Variants in ACTR3C observed in about 807,000 individuals in gnomAD.
The protein encoded by ACTR3C is actin related protein 3C, also known as actin-related protein 3C.
In ACTR3C, 18 loss-of-function variants were observed where a neutral mutation model predicts 26.3. The ratio of observed to expected loss-of-function variants is 0.68; its 90% CI spans 0.47 to 1.01. ACTR3C has a LOEUF of 1.01. Ranked by LOEUF, ACTR3C falls within the 50% of genes least tolerant of loss-of-function variation. The pLI, the probability that ACTR3C is intolerant of heterozygous loss-of-function variation, is 0.00. For synonymous variants in ACTR3C, 55 were observed against 94.5 expected (o/e 0.58, Z 2.42); for missense variants, 184 against 250.7 (o/e 0.73, Z 1.80).
the ACTR3C span, among the ~76,000 whole-genome samples, chr7:149,902,431 C>G: frequency 2.0e-5 from 3 of 148,702 alleles, no homozygotes; most frequent in Non-Finnish European, 4.5e-5. Flanking sequence ...CTTCATATTT[C>G]ATAGCCAAGT....
the ACTR3C span, among the ~76,000 whole-genome samples, chr7:149,908,300 C>G: frequency 6.6e-6 from 1 of 152,160 alleles, no homozygotes; most frequent in Non-Finnish European, 1.5e-5. Flanking sequence ...CCCAAGCACA[C>G]TAAGACACTC....
At chr7:150,237,204 C>T in the ACTR3C span, among the ~76,000 whole-genome samples, 13 of 152,304 alleles carry the variant, frequency 8.5e-5, no homozygotes, top group African/African-American at 1.9e-4. Context: ...ACATTGCCAC[C>T]GTCTTTCCCA....
At chr7:150,049,405 A>C in the ACTR3C span, among the ~76,000 whole-genome samples, 3 of 152,122 alleles carry the variant, frequency 2.0e-5, no homozygotes, top group Non-Finnish European at 4.4e-5. Context: ...CAGAGGGGGG[A>C]ACCTGTGAGA....
the ACTR3C span, among the ~76,000 whole-genome samples, chr7:149,969,269 CTGTGTGTGTGTGTGTGTGTGTGTGTG>C: frequency 2.7e-3 from 378 of 141,536 alleles, 10 homozygotes; most frequent in South Asian, 6.1e-3. Flanking sequence ...TCAGAAAGAG[CTGTGTGTGTGTGTGTGTGTGTGTGTG>C]TGTGTGTGTG....
chr7:149,923,135 T>A, the ACTR3C span, among the ~76,000 whole-genome samples: 3 of 150,782 alleles, frequency 2.0e-5, no homozygotes, highest in African/African-American at 7.3e-5. Flanking sequence ...TAGACAAAAA[T>A]ACAGTCTGCC....
At chr7:150,176,300 A>G in the ACTR3C span, among the ~76,000 whole-genome samples, 1 of 150,688 alleles carries the variant, frequency 6.6e-6, no homozygotes, top group Non-Finnish European at 1.5e-5. Context: ...GGGTCTTCCA[A>G]AATGACTAGT....
chr7:149,960,771 C>T, the ACTR3C span, among the ~76,000 whole-genome samples: 1 of 152,144 alleles, frequency 6.6e-6, no homozygotes, highest in Non-Finnish European at 1.5e-5. Flanking sequence ...ATTGGAGAAA[C>T]ACGAGAGAGG....
the ACTR3C span, among the ~76,000 whole-genome samples, chr7:150,050,310 G>C: frequency 6.6e-6 from 1 of 152,150 alleles, no homozygotes; most frequent in African/African-American, 2.4e-5. Context: ...TACTTATGCA[G>C]AATAGTTTAT....
chr7:150,026,499 T>C, the ACTR3C span, among the ~76,000 whole-genome samples: 1 of 152,040 alleles, frequency 6.6e-6, no homozygotes, highest in South Asian at 2.1e-4. Context: ...ACAGTTCATC[T>C]GGCAATTTCC....
At chr7:150,252,098 C>T (rs1314602690) in intron 6 of ACTR3C, among the ~76,000 whole-genome samples, 17 of 151,172 alleles carry the variant, frequency 1.1e-4, no homozygotes, top group Admixed American at 1.1e-3. Flanking sequence ...AAATTTTAAT[C>T]CCTCCGTGTG....
At chr7:150,146,023 C>T in the ACTR3C span, among the ~76,000 whole-genome samples, 2,456 of 151,054 alleles carry the variant, frequency 0.016, 56 homozygotes, top group African/African-American at 0.056. Flanking sequence ...TCTTATTCCA[C>T]GTCTATAGTT....
At chr7:150,214,539 T>C in the ACTR3C span, among the ~76,000 whole-genome samples, 1 of 151,520 alleles carries the variant, frequency 6.6e-6, no homozygotes, top group South Asian at 2.1e-4. Context: ...AAAAGTATCT[T>C]GGAAAAATGA....
the ACTR3C span, among the ~76,000 whole-genome samples, chr7:150,194,166 C>T: frequency 1.3e-5 from 2 of 149,034 alleles, no homozygotes; most frequent in African/African-American, 4.9e-5. Flanking sequence ...GTTACACCTC[C>T]CTGGAGAAAT....
the ACTR3C span, among the ~76,000 whole-genome samples, chr7:150,181,481 C>A: frequency 0.014 from 2,162 of 150,648 alleles, 220 homozygotes; most frequent in African/African-American, 0.049. Context: ...CCCAGGTACT[C>A]GGGTGGCTGA....
the ACTR3C span, among the ~76,000 whole-genome samples, chr7:150,053,575 A>T: frequency 6.6e-6 from 1 of 152,246 alleles, no homozygotes. Flanking sequence ...ACAAGGGCTT[A>T]CACTGTCTTC....
At chr7:150,322,871 G>T (rs1328374803) in intron 1 of ACTR3C, 2 of 152,344 alleles carry the variant, frequency 1.3e-5, no homozygotes, top group Admixed American at 1.3e-4. Context: ...CCGACCGATA[G>T]ATGAGCCTTC....
chr7:150,206,942 T>C, the ACTR3C span, among the ~76,000 whole-genome samples: 2 of 152,364 alleles, frequency 1.3e-5, no homozygotes, highest in African/African-American at 4.8e-5. Flanking sequence ...TTTTGACCAT[T>C]GTAAAGGGGA....
At chr7:150,131,008 G>A in the ACTR3C span, among the ~76,000 whole-genome samples, 16 of 152,226 alleles carry the variant, frequency 1.1e-4, no homozygotes, top group African/African-American at 2.9e-4. Flanking sequence ...TAAAAAGATA[G>A]AGGGAAGCTG....
At chr7:150,217,009 G>A in the ACTR3C span, among the ~76,000 whole-genome samples, 6,333 of 147,142 alleles carry the variant, frequency 0.043, 327 homozygotes, top group East Asian at 0.15. Context: ...AGAGGCTGTG[G>A]TACAAATATT....
Sources: allele counts gnomAD v4.1 joint callset (sites outside exome capture counted in the v4.1 genomes callset), GRCh38; gene constraint gnomAD v4.1.1; transcripts MANE v1.5; gene names NCBI Gene and HGNC (gene_info 2026-07-23, HGNC 2026-07-21).